PLPPR1: variants seen among roughly 807,000 people sequenced by gnomAD.
PLPPR1 encodes phospholipid phosphatase related 1.
In PLPPR1, 10 loss-of-function variants were observed where a neutral mutation model predicts 33.1. The observed-to-expected ratio is 0.30, with a 90% confidence interval of 0.19 to 0.51. PLPPR1 has a LOEUF of 0.51. Ranked by LOEUF, PLPPR1 falls within the 20% of genes least tolerant of loss-of-function variation. PLPPR1 has a pLI of 0.97. For synonymous variants in PLPPR1, 151 were observed against 151.0 expected (o/e 1.00, Z 0.00); for missense variants, 304 against 408.1 (o/e 0.74, Z 2.20).
At chr9:101,182,370 T>C (rs1564168415) in intron 1 of PLPPR1, among the ~76,000 whole-genome samples, 1 of 151,722 alleles carries the variant, frequency 6.6e-6, no homozygotes, top group African/African-American at 2.4e-5. Flanking sequence ...AAAATTCCTA[T>C]AAAATTAGAT....
At chr9:101,233,157 T>C (rs550752994) in intron 2 of PLPPR1, among the ~76,000 whole-genome samples, 1 of 152,182 alleles carries the variant, frequency 6.6e-6, no homozygotes, top group African/African-American at 2.4e-5. Flanking sequence ...ATGTAACTGC[T>C]ACTCAACATA....
intron 1 of PLPPR1, among the ~76,000 whole-genome samples, chr9:101,062,439 T>C (rs1351422880): frequency 6.6e-6 from 1 of 152,072 alleles, no homozygotes; most frequent in African/African-American, 2.4e-5. Flanking sequence ...TTAATATTGG[T>C]AGACCTGAGT....
At chr9:101,172,358 A>AAC (rs1320771354) in intron 1 of PLPPR1, among the ~76,000 whole-genome samples, 2 of 151,832 alleles carry the variant, frequency 1.3e-5, no homozygotes, top group Non-Finnish European at 2.9e-5. Context: ...AAGGGGAAAA[A>AAC]AAAAAACAAA....
In PLPPR1 at chr9:101,249,953, A is replaced by G. The variant is rs534384097; in HGVS notation, c.64-19927A>G. ...CTTTCCTTTCTCTACATTGTCGTCC[A>G]CACCCAGTACAGTAGTAGGGGTTCA... On this transcript the variant is annotated intron_variant, in intron 2 of 7. Coordinates refer to ENST00000374874, the MANE Select transcript of PLPPR1 (RefSeq NM_207299.2). 1.1e-4 allele frequency among the ~76,000 whole-genome samples: 16 copies of G among 152,210 alleles called. No individual in the cohort carries two copies. The East Asian group carries it at 3.1e-3, about 29-fold the overall frequency.
At chr9:101,186,949 A>G (rs1826215153) in intron 2 of PLPPR1, among the ~76,000 whole-genome samples, 1 of 151,914 alleles carries the variant, frequency 6.6e-6, no homozygotes, top group African/African-American at 2.4e-5. Flanking sequence ...AGAAACACAT[A>G]TTCTTAATAT....
At chr9:101,090,747 AAAC>A (rs879875636) in intron 1 of PLPPR1, among the ~76,000 whole-genome samples, 7,050 of 152,090 alleles carry the variant, frequency 0.046, 274 homozygotes, top group African/African-American at 0.094. Context: ...ACAAACAAAC[AAAC>A]AAACAGTAAT....
At chr9:101,280,353 A>G (rs1265896092) in intron 3 of PLPPR1, among the ~76,000 whole-genome samples, 1 of 152,190 alleles carries the variant, frequency 6.6e-6, no homozygotes, top group Non-Finnish European at 1.5e-5. Flanking sequence ...GAATTTTACC[A>G]AACATTTAAA....
In PLPPR1 at chr9:101,183,994, C is replaced by A. The variant is rs1035892301; in HGVS notation, c.-45-1456C>A. 3.3e-5 allele frequency among the ~76,000 whole-genome samples: 5 copies of A among 151,556 alleles called. No individual in the cohort carries two copies. In the East Asian group the frequency reaches 5.8e-4, roughly 18 times the overall value. ...TGCTAACAGGAAAGTTCATTTATAT[C>A]ATAAATACTAAGTAAATTCTAAGAT... On this transcript the variant is annotated intron_variant, in intron 1 of 7. Coordinates refer to ENST00000374874, the MANE Select transcript of PLPPR1 (RefSeq NM_207299.2).
chr9:101,110,379 C>G (rs1270622121), intron 1 of PLPPR1, among the ~76,000 whole-genome samples: 1 of 152,154 alleles, frequency 6.6e-6, no homozygotes, highest in Admixed American at 6.5e-5. Context: ...ATAAACACAA[C>G]TATTTAGATG....
intron 4 of PLPPR1, among the ~76,000 whole-genome samples, chr9:101,297,166 AT>A (rs939301847): frequency 6.6e-6 from 1 of 152,142 alleles, no homozygotes; most frequent in Admixed American, 6.6e-5. Flanking sequence ...CATAATTTTA[AT>A]TTTTTATCAT....
rs71507977 is a variant in PLPPR1 at position 101,180,094 on chromosome 9, TTATATATATATATATATATATATATA to T, written c.-45-5331_-45-5306del. The stretch of plus-strand genomic sequence containing the variant: ...GAGTTAATACTTAATAAACTCTCCT[TTATATATATATATATATATATATATA>T]TATATATATATATATATATATATAC... On this transcript the variant is annotated intron_variant, in intron 1 of 7. Coordinates refer to ENST00000374874, the MANE Select transcript of PLPPR1 (RefSeq NM_207299.2). 2.4e-4 allele frequency among the ~76,000 whole-genome samples: 15 copies of T among 62,018 alleles called. 1 individual carries two copies. In the South Asian group the frequency reaches 3.1e-3, roughly 13 times the overall value. 40.7% of individuals were successfully genotyped at this position (62,018 alleles called of 152,430 possible). A position where few individuals can be genotyped will look rare whatever the true frequency, so the allele number is the denominator to read the frequency against.
intron 1 of PLPPR1, among the ~76,000 whole-genome samples, chr9:101,154,220 C>T (rs1464266137): frequency 2.0e-5 from 3 of 152,060 alleles, no homozygotes; most frequent in Non-Finnish European, 4.4e-5. Flanking sequence ...TGATCCTGGC[C>T]TCATAAAATG....
chr9:101,311,580 A>G (rs1234075236), intron 5 of PLPPR1, among the ~76,000 whole-genome samples: 1 of 152,230 alleles, frequency 6.6e-6, no homozygotes, highest in Non-Finnish European at 1.5e-5. Context: ...AACATTTACC[A>G]GAGTCTGAAA....
intron 4 of PLPPR1, among the ~76,000 whole-genome samples, chr9:101,308,490 T>G (rs1374867673): frequency 6.6e-6 from 1 of 152,244 alleles, no homozygotes; most frequent in African/African-American, 2.4e-5. Context: ...CTGAAGGGGA[T>G]ACATTTGTGT....
At chr9:101,146,209 G>A (rs943135156) in intron 1 of PLPPR1, among the ~76,000 whole-genome samples, 13 of 152,164 alleles carry the variant, frequency 8.5e-5, no homozygotes, top group African/African-American at 1.9e-4. Flanking sequence ...CTGCATCCCC[G>A]ATGACTTGCA....
At chr9:101,235,123 C>T (rs954506493) in intron 2 of PLPPR1, among the ~76,000 whole-genome samples, 3 of 151,776 alleles carry the variant, frequency 2.0e-5, no homozygotes, top group African/African-American at 4.8e-5. Flanking sequence ...TTTCTATCCA[C>T]GAAAAATTGT....
chr9:101,074,388 T>C (rs1296916628), intron 1 of PLPPR1, among the ~76,000 whole-genome samples: 3 of 152,100 alleles, frequency 2.0e-5, no homozygotes, highest in Non-Finnish European at 2.9e-5. Context: ...GTGAGGTTCA[T>C]AGAGGTAAAG....
At chr9:101,099,171 T>A (rs1436747873) in intron 1 of PLPPR1, among the ~76,000 whole-genome samples, 1 of 152,070 alleles carries the variant, frequency 6.6e-6, no homozygotes, top group African/African-American at 2.4e-5. Flanking sequence ...ACAAGCCATG[T>A]AAAGTGCTTA....
At chr9:101,155,865 G>A (rs554555290) in intron 1 of PLPPR1, among the ~76,000 whole-genome samples, 1 of 152,202 alleles carries the variant, frequency 6.6e-6, no homozygotes, top group East Asian at 1.9e-4. Context: ...CTCCCAAAGT[G>A]CTGGGATTAC....
Sources: allele counts gnomAD v4.1 joint callset (sites outside exome capture counted in the v4.1 genomes callset), GRCh38; gene constraint gnomAD v4.1.1; transcripts MANE v1.5; gene names NCBI Gene and HGNC (gene_info 2026-07-23, HGNC 2026-07-21).